PTPRG: variants seen among roughly 807,000 people sequenced by gnomAD.
PTPRG encodes receptor-type tyrosine-protein phosphatase gamma.
A neutral mutation model predicts 165.3 loss-of-function variants in PTPRG; 102 were observed. That is an observed-to-expected ratio of 0.62 (90% CI 0.53 to 0.73). PTPRG has a LOEUF of 0.73. PTPRG is among the 30% of genes least tolerant of loss of function. PTPRG has a pLI of 0.00. For missense variants in PTPRG, 1,866 were observed against 1,861.4 expected (o/e 1.00, Z -0.05); for synonymous variants, 675 against 669.5 (o/e 1.01, Z -0.13).
At chr3:62,178,746 C>T (rs1425431039) in intron 8 of PTPRG, among the ~76,000 whole-genome samples, 2 of 152,174 alleles carry the variant, frequency 1.3e-5, no homozygotes, top group African/African-American at 4.8e-5. Context: ...TTACTTAATC[C>T]TCTCCATCTC....
At chr3:62,288,884 T>C (rs1273746847) in intron 28 of PTPRG, among the ~76,000 whole-genome samples, 1 of 152,190 alleles carries the variant, frequency 6.6e-6, no homozygotes, top group African/African-American at 2.4e-5. Flanking sequence ...TGAATGCTAC[T>C]GTACTATTGG....
intron 1 of PTPRG, among the ~76,000 whole-genome samples, chr3:61,673,437 T>A (rs1258234511): frequency 2.6e-5 from 4 of 152,214 alleles, no homozygotes; most frequent in Admixed American, 2.6e-4. Context: ...TAGTTCTCAG[T>A]CTGCAAAATG....
intron 9 of PTPRG, among the ~76,000 whole-genome samples, chr3:62,192,643 C>T (rs920521769): frequency 1.3e-5 from 2 of 151,964 alleles, no homozygotes; most frequent in African/African-American, 4.8e-5. Context: ...CATCTCCTGA[C>T]CTCATGATCC....
At chr3:62,012,725 T>C (rs1271484483) in intron 4 of PTPRG, among the ~76,000 whole-genome samples, 1 of 152,174 alleles carries the variant, frequency 6.6e-6, no homozygotes, top group Non-Finnish European at 1.5e-5. Context: ...AAGTGTCAGA[T>C]TTTCAAGCAT....
intron 29 of PTPRG, 93 bp downstream of exon 29, chr3:62,292,649 T>C: frequency 6.8e-7 from 1 of 1,466,724 alleles, no homozygotes; most frequent in Non-Finnish European, 9.2e-7. Flanking sequence ...GGGGTGATTT[T>C]GCCCCCCAGG....
At chr3:61,968,246 A>G (rs75343571) in intron 2 of PTPRG, among the ~76,000 whole-genome samples, 10 of 152,080 alleles carry the variant, frequency 6.6e-5, no homozygotes, top group Admixed American at 3.9e-4. Context: ...TGGATATATG[A>G]TTTCATATTC....
intron 2 of PTPRG, among the ~76,000 whole-genome samples, chr3:61,767,850 G>A (rs1181684899): frequency 2.0e-5 from 3 of 151,506 alleles, no homozygotes; most frequent in Non-Finnish European, 2.9e-5. Context: ...CACGCCTGTA[G>A]TTCCAACTAC....
chr3:61,722,828 A>G (rs1023041341), intron 1 of PTPRG, among the ~76,000 whole-genome samples: 1 of 152,204 alleles, frequency 6.6e-6, no homozygotes, highest in Non-Finnish European at 1.5e-5. Context: ...CCTAATACAT[A>G]GTTATTCAAT....
chr3:62,262,664 T>G, intron 16 of PTPRG, 134 bp from the exon 17 acceptor site: 1 of 491,174 alleles, frequency 2.0e-6, no homozygotes, highest in Non-Finnish European at 3.6e-6. Flanking sequence ...TATCAATAAT[T>G]ATATCCGAAG....
In PTPRG at chr3:61,951,448, C is replaced by T. The variant is rs146666694; in HGVS notation, c.191-38177C>T. Among the ~76,000 whole-genome samples, 63 of 152,276 alleles carry T rather than the reference C, an allele frequency of 4.1e-4. No individual in the cohort carries two copies. The East Asian group carries it at 0.011, about 28-fold the overall frequency. ...CCCTTTGTAGAAAGATTTTCTTTGA[C>T]TCAATATTGTAGATAGTTCAGGCAA... On this transcript the variant is annotated intron_variant, in intron 2 of 29. Coordinates refer to ENST00000474889, the MANE Select transcript of PTPRG (RefSeq NM_002841.4).
chr3:62,133,604 G>T (rs1703596950), intron 6 of PTPRG, among the ~76,000 whole-genome samples: 1 of 152,158 alleles, frequency 6.6e-6, no homozygotes, highest in Admixed American at 6.5e-5. Context: ...CTCAAAATTG[G>T]TCAGTCATGC....
At chr3:62,149,960 G>T (rs954830826) in intron 6 of PTPRG, among the ~76,000 whole-genome samples, 2 of 152,136 alleles carry the variant, frequency 1.3e-5, no homozygotes, top group Non-Finnish European at 2.9e-5. Context: ...AAACCAGGCA[G>T]AGTCCCTCTG....
intron 2 of PTPRG, among the ~76,000 whole-genome samples, chr3:61,906,963 A>AT (rs2038673354): frequency 6.6e-6 from 1 of 152,076 alleles, no homozygotes; most frequent in Non-Finnish European, 1.5e-5. Context: ...CGATATTTTT[A>AT]TTTTTTTCAT....
chr3:61,568,619 T>G (rs1451398591), intron 1 of PTPRG, among the ~76,000 whole-genome samples: 2 of 149,966 alleles, frequency 1.3e-5, no homozygotes, highest in Non-Finnish European at 2.9e-5. Flanking sequence ...TAAAAAAAAT[T>G]TTTTTTTTGG....
intron 4 of PTPRG, among the ~76,000 whole-genome samples, chr3:62,006,691 C>T (rs1415392009): frequency 6.6e-6 from 1 of 152,108 alleles, no homozygotes; most frequent in African/African-American, 2.4e-5. Flanking sequence ...AGCATCTCCC[C>T]CCTGCACCCT....
chr3:62,115,427 A>G (rs1293863138), intron 5 of PTPRG, among the ~76,000 whole-genome samples: 2 of 152,170 alleles, frequency 1.3e-5, no homozygotes, highest in Non-Finnish European at 2.9e-5. Flanking sequence ...GAGGAGTATA[A>G]GCAGGTAGGT....
chr3:61,954,854 G>C (rs2039996743), intron 2 of PTPRG, among the ~76,000 whole-genome samples: 1 of 152,214 alleles, frequency 6.6e-6, no homozygotes. Flanking sequence ...AATCAGATGA[G>C]AAAGGACAAG....
chr3:61,653,065 G>C (rs1702402871), intron 1 of PTPRG, among the ~76,000 whole-genome samples: 1 of 151,764 alleles, frequency 6.6e-6, no homozygotes, highest in South Asian at 2.1e-4. Context: ...TATAAGATAA[G>C]GGAAAAGTAA....
intron 1 of PTPRG, among the ~76,000 whole-genome samples, chr3:61,713,555 T>C (rs2031667930): frequency 6.6e-6 from 1 of 152,150 alleles, no homozygotes; most frequent in Admixed American, 6.5e-5. Context: ...ATGAGGCAGA[T>C]AAAATACCCT....
Sources: gnomAD v4.1 joint callset for allele counts (sites outside exome capture counted in the v4.1 genomes callset) on GRCh38, gnomAD v4.1.1 for gene constraint, MANE v1.5 for transcripts, NCBI Gene and HGNC (gene_info 2026-07-23, HGNC 2026-07-21) for gene names.